Variants in IMMP2L observed in about 807,000 individuals in gnomAD.
IMMP2L encodes the protein mitochondrial inner membrane protease subunit 2.
In IMMP2L, 18 loss-of-function variants were observed where a neutral mutation model predicts 19.3. The ratio of observed to expected loss-of-function variants is 0.93; its 90% CI spans 0.64 to 1.38. The LOEUF (loss-of-function observed/expected upper bound fraction) is 1.38. IMMP2L is among the 40% of genes most tolerant of loss of function. The pLI, the probability that IMMP2L is intolerant of heterozygous loss-of-function variation, is 0.00. For synonymous variants in IMMP2L, 76 were observed against 73.0 expected (o/e 1.04, Z -0.21); for missense variants, 233 against 218.2 (o/e 1.07, Z -0.43).
intron 5 of IMMP2L, among the ~76,000 whole-genome samples, chr7:110,762,640 G>A (rs555964516): frequency 4.5e-4 from 69 of 152,208 alleles, no homozygotes; most frequent in Non-Finnish European, 8.8e-4. Flanking sequence ...GTCTGGGAGG[G>A]CAGAGGTCAG....
intron 3 of IMMP2L, among the ~76,000 whole-genome samples, chr7:111,187,932 C>T (rs1808452146): frequency 6.6e-6 from 1 of 151,952 alleles, no homozygotes; most frequent in Admixed American, 6.6e-5. Flanking sequence ...CATATTGATG[C>T]TATTGCTTCC....
intron 3 of IMMP2L, among the ~76,000 whole-genome samples, chr7:111,061,661 T>C (rs1472452835): frequency 1.3e-5 from 2 of 152,190 alleles, no homozygotes; most frequent in South Asian, 2.1e-4. Flanking sequence ...GGTCTTCGAC[T>C]GCTTTAGCAA....
At chr7:111,124,065 T>C in intron 3 of IMMP2L, 1 of 1,614,000 alleles carries the variant, frequency 6.2e-7, no homozygotes, top group Non-Finnish European at 8.5e-7. Context: ...TTCCTTCTAA[T>C]CTAAATGTAG....
At chr7:111,045,765 A>G (rs1482971072) in intron 3 of IMMP2L, among the ~76,000 whole-genome samples, 1 of 152,238 alleles carries the variant, frequency 6.6e-6, no homozygotes, top group Non-Finnish European at 1.5e-5. Flanking sequence ...AAAGGAATGC[A>G]GCCTTGCTGA....
At chr7:110,830,448 A>T (rs565925040) in intron 5 of IMMP2L, among the ~76,000 whole-genome samples, 1 of 152,028 alleles carries the variant, frequency 6.6e-6, no homozygotes, top group Non-Finnish European at 1.5e-5. Context: ...ACCCTTGAAG[A>T]TCTCTTACAG....
intron 3 of IMMP2L, among the ~76,000 whole-genome samples, chr7:111,177,442 A>C (rs762099672): frequency 7.9e-5 from 12 of 152,040 alleles, no homozygotes; most frequent in Non-Finnish European, 1.6e-4. Flanking sequence ...CAGGCTCCAA[A>C]AGTGTTATGA....
At position 110,870,999 on chromosome 7, in the gene IMMP2L, T is replaced by A. The variant is rs1351280663; in HGVS notation, c.408+15594A>T. ...GGAGGCCCCTGATGACCTGAATCAG[T>A]GAGGCAGCAGTAGAGATGGAATAAA... On this transcript the variant is annotated intron_variant, in intron 5 of 5. Coordinates refer to ENST00000405709, the MANE Select transcript of IMMP2L (RefSeq NM_032549.4). This position sits in a 1 kb window ranked among gnomAD's most constrained non-coding sequence, Gnocchi z 4.2. 6.6e-6 allele frequency among the ~76,000 whole-genome samples: 1 copy of A among 151,692 alleles called. No individual in the cohort carries two copies. The highest frequency in any genetic ancestry group is 2.4e-5 in the African/African-American group (1 of 41,300).
chr7:111,487,207 T>C (rs996095348), intron 3 of IMMP2L, 31 bp downstream of exon 3: 13 of 977,842 alleles, frequency 1.3e-5, no homozygotes, highest in Non-Finnish European at 2.0e-5. Context: ...TAATTTTATA[T>C]ACAAATATAG....
intron 3 of IMMP2L, among the ~76,000 whole-genome samples, chr7:111,203,277 T>C (rs75406781): frequency 0.011 from 1,625 of 152,220 alleles, 32 homozygotes; most frequent in African/African-American, 0.036. Flanking sequence ...GGTGCTGATC[T>C]TGGCACTGGG....
chr7:111,329,308 C>T (rs1387751773), intron 3 of IMMP2L, among the ~76,000 whole-genome samples: 1 of 151,768 alleles, frequency 6.6e-6, no homozygotes, highest in Non-Finnish European at 1.5e-5. Context: ...AAACTACACA[C>T]CCTATCTCAA....
intron 3 of IMMP2L, among the ~76,000 whole-genome samples, chr7:111,141,632 G>T (rs1309330160): frequency 6.6e-6 from 1 of 151,960 alleles, no homozygotes; most frequent in East Asian, 1.9e-4. Flanking sequence ...GGTTTATGGG[G>T]GTTTTTATTC....
At chr7:111,420,810 T>C (rs1335012312) in intron 3 of IMMP2L, among the ~76,000 whole-genome samples, 3 of 151,848 alleles carry the variant, frequency 2.0e-5, no homozygotes, top group Admixed American at 6.5e-5. Context: ...CTATCAATGA[T>C]GGACATTTGG....
intron 3 of IMMP2L, among the ~76,000 whole-genome samples, chr7:111,099,314 A>C (rs1318032721): frequency 1.3e-5 from 2 of 151,738 alleles, no homozygotes; most frequent in Non-Finnish European, 3.0e-5. Context: ...TAAATGATGA[A>C]GATGAAAATA....
At position 110,997,965 on chromosome 7, in the gene IMMP2L, G is replaced by A. The variant is rs1585662284; in HGVS notation, c.240-34400C>T. Among the ~76,000 whole-genome samples, 4 of 152,234 alleles carry A rather than the reference G, an allele frequency of 2.6e-5. No individual in the cohort carries two copies. The East Asian group carries it at 7.7e-4, about 29-fold the overall frequency. On this transcript the variant is annotated intron_variant, in intron 3 of 5. Transcript: ENST00000405709. ...GATGCTATAGAAATAGAACATGGAA[G>A]CTTCATTGTACTCAAACCTTTGCTT...
intron 4 of IMMP2L, among the ~76,000 whole-genome samples, chr7:110,949,977 G>A (rs1420296799): frequency 2.0e-5 from 3 of 152,064 alleles, no homozygotes; most frequent in Non-Finnish European, 4.4e-5. Flanking sequence ...CCTGAATAAT[G>A]AGGGAAAAAA....
intron 3 of IMMP2L, among the ~76,000 whole-genome samples, chr7:111,112,177 G>C (rs1377695247): frequency 2.6e-5 from 4 of 151,852 alleles, no homozygotes; most frequent in African/African-American, 9.7e-5. Context: ...CATGTTGGCT[G>C]GTCTTGAACT....
At chr7:111,157,728 T>C (rs925287557) in intron 3 of IMMP2L, among the ~76,000 whole-genome samples, 10 of 152,120 alleles carry the variant, frequency 6.6e-5, no homozygotes, top group African/African-American at 1.9e-4. Flanking sequence ...AAGAGTGTAA[T>C]TGGAGCATTT....
At chr7:111,463,806 T>A (rs73426223) in intron 3 of IMMP2L, among the ~76,000 whole-genome samples, 1 of 152,134 alleles carries the variant, frequency 6.6e-6, no homozygotes. Context: ...ATTGTCCCCA[T>A]TGAATGTACC....
intron 3 of IMMP2L, among the ~76,000 whole-genome samples, chr7:111,447,025 T>G (rs533549746): frequency 1.4e-5 from 2 of 142,430 alleles, no homozygotes; most frequent in African/African-American, 5.4e-5. Context: ...TAAAAAGAAA[T>G]GAGCAAAGCC....
Sources: gnomAD v4.1 joint callset for allele counts (sites outside exome capture counted in the v4.1 genomes callset) on GRCh38, gnomAD v4.1.1 for gene constraint, Gnocchi (gnomAD v3.1) non-coding constraint, MANE v1.5 for transcripts, NCBI Gene and HGNC (gene_info 2026-07-23, HGNC 2026-07-21) for gene names.